Variants in PKHD1L1 observed in about 807,000 individuals in gnomAD.
PKHD1L1 encodes fibrocystin-L.
A neutral mutation model predicts 462.9 loss-of-function variants in PKHD1L1; 434 were observed. The observed-to-expected ratio is 0.94, with a 90% CI of 0.87 to 1.02. The LOEUF is 1.02. Among genes scored for constraint, PKHD1L1 ranks in the 50% least tolerant of loss-of-function variants. The pLI, the probability that PKHD1L1 is intolerant of heterozygous loss-of-function variation, is 0.00. For missense variants in PKHD1L1, 5,202 were observed against 5,096.1 expected, an observed-to-expected ratio of 1.02 and a Z score of -0.63; for synonymous variants, 1,781 against 1,750.0, an observed-to-expected ratio of 1.02 and a Z score of -0.44.
At chr8:109,438,843 C>T (rs1815596681) in intron 31 of PKHD1L1, 54 bp from the exon 32 acceptor site, 15 of 1,296,398 alleles carry the variant, frequency 1.2e-5, no homozygotes, top group East Asian at 2.5e-5. Context: ...GCAAATTTCA[C>T]ACTGGATAAC....
chr8:109,534,021 T>C lies in PKHD1L1; in HGVS notation c.*3931T>C, dbSNP rs964931925. On this transcript the variant is annotated 3_prime_UTR_variant, in exon 78 of 78. Coordinates refer to ENST00000378402, the MANE Select transcript of PKHD1L1 (RefSeq NM_177531.6). ...GGTGGTTATCCTAAATCTCCTGCTT[T>C]CATCAGATGTCTGAGATGGCAAAAT... Among the ~76,000 whole-genome samples, 8 of 152,240 alleles carry C rather than the reference T, an allele frequency of 5.3e-5. No individual in the cohort carries two copies. Among genetic ancestry groups the C allele is most frequent in the Non-Finnish European group, 7.3e-5 (5 of 68,036 alleles).
rs781383379 is a variant in PKHD1L1, at chr8:109,452,232, G to T, written c.6459G>T (p.Gly2153=). Residue 2153 remains glycine, a synonymous_variant, in exon 42 of 78, where the codon GGG becomes GGT. Coordinates refer to ENST00000378402, the MANE Select transcript of PKHD1L1 (RefSeq NM_177531.6). ...TGACAGATGCCCATACTCTATCAGG[G>T]TGGGCTCCAGTTTGTGTCCACATCA... The part of the protein sequence containing the change: ...ICMTDAHTLS[G]WAPVCVHIRG... 5.6e-6 allele frequency: 9 copies of T among 1,611,790 alleles called. No individual in the cohort carries two copies. The Admixed American group carries it at 1.3e-4, about 24-fold the overall frequency.
At chr8:109,372,321 A>G (rs1344072139) in intron 2 of PKHD1L1, among the ~76,000 whole-genome samples, 1 of 152,208 alleles carries the variant, frequency 6.6e-6, no homozygotes, top group Non-Finnish European at 1.5e-5. Flanking sequence ...TTATTGGTGT[A>G]TAACAATGCT....
At chr8:109,432,949 A>T (rs1815194938) in intron 27 of PKHD1L1, among the ~76,000 whole-genome samples, 157 bp from the exon 28 acceptor site, 1 of 152,250 alleles carries the variant, frequency 6.6e-6, no homozygotes, top group African/African-American at 2.4e-5. Context: ...AATGCCATTG[A>T]CAAATAAATG....
chr8:109,497,048 A>G lies in PKHD1L1; in HGVS notation c.10457A>G (p.Asp3486Gly), dbSNP rs763539621. The G allele has an allele frequency of 1.9e-6, 3 of 1,613,462 alleles. No individual in the cohort carries two copies. Among genetic ancestry groups the G allele is most frequent in the Non-Finnish European group, 2.5e-6 (3 of 1,179,622 alleles). Residue 3486 changes from aspartate (D) to glycine (G), a missense_variant, in exon 64 of 78, where the codon GAT becomes GGT. Asp to Gly is a moderately conservative substitution (Grantham distance 94). This residue lies in a region of PKHD1L1 where 4,497 missense variants were observed against 4,336.8 expected (regional missense o/e 1.04). Coordinates refer to ENST00000378402, the MANE Select transcript of PKHD1L1 (RefSeq NM_177531.6). ...IQGFTIWTCWDYGIYFQTTES... is the reference protein window; with the variant it reads ...IQGFTIWTCWGYGIYFQTTES... Reference sequence around the variant, plus strand: ...GGATTTACCATTTGGACATGCTGGGATTATGGAATTTATTTTCAGGTAATT... The same window carrying G: ...GGATTTACCATTTGGACATGCTGGGGTTATGGAATTTATTTTCAGGTAATT...
At chr8:109,444,031 T>G (rs531206848) in intron 37 of PKHD1L1, 129 bp downstream of exon 37, 93 of 785,632 alleles carry the variant, frequency 1.2e-4, no homozygotes, top group Non-Finnish European at 1.7e-4. Context: ...ATTCACCCAC[T>G]TAAAGTGTAC....
intron 50 of PKHD1L1, among the ~76,000 whole-genome samples, chr8:109,471,699 TA>T (rs1430274130): frequency 6.6e-6 from 1 of 152,228 alleles, no homozygotes; most frequent in East Asian, 1.9e-4. Context: ...TTTATTGTAG[TA>T]AACTGTTCTT....
At chr8:109,502,906 A>G (rs1425363201) in intron 67 of PKHD1L1, among the ~76,000 whole-genome samples, 1 of 152,246 alleles carries the variant, frequency 6.6e-6, no homozygotes, top group Non-Finnish European at 1.5e-5. Context: ...AGGTTCTTCC[A>G]TATCTCTTGT....
intron 2 of PKHD1L1, among the ~76,000 whole-genome samples, 171 bp downstream of exon 2, chr8:109,364,807 A>G (rs1811151951): frequency 6.6e-6 from 1 of 152,164 alleles, no homozygotes; most frequent in South Asian, 2.1e-4. Flanking sequence ...AATCCCCAAG[A>G]GTCTTTATCA....
Position 109,411,826 on chromosome 8 carries a change from G to C in PKHD1L1, c.2086-439G>C, listed in dbSNP as rs117473420. Among the ~76,000 whole-genome samples the C allele has an allele frequency of 3.0e-3, 450 of 152,236 alleles. 2 individuals are homozygous for C. The highest frequency in any genetic ancestry group is 4.7e-3 in the Non-Finnish European group (319 of 68,022). On this transcript the variant is annotated intron_variant, in intron 19 of 77. Coordinates refer to ENST00000378402, the MANE Select transcript of PKHD1L1 (RefSeq NM_177531.6). ...TTTCTTGATGCTTTTATGTGAGTTA[G>C]ATGCCTCCCTTGAGCCTTAGTACGA...
At chr8:109,404,281 A>T (rs1813415645) in intron 14 of PKHD1L1, among the ~76,000 whole-genome samples, 1 of 152,172 alleles carries the variant, frequency 6.6e-6, no homozygotes, top group Admixed American at 6.6e-5. Context: ...AAGAAATAGT[A>T]TTGTCTTCTA....
Position 109,464,669 on chromosome 8 carries a change from A to G in PKHD1L1, c.7837A>G (p.Asn2613Asp). The G allele has an allele frequency of 1.2e-6, 2 of 1,613,382 alleles. No homozygotes were observed. Among genetic ancestry groups the G allele is most frequent in the South Asian group, 1.1e-5 (1 of 91,070 alleles). ...AAGAGTTCCCCTTGGCGAATTTTTTAACAATACTGTCCATTCTCAAGGTTG... is the reference window on the plus strand; with the variant it reads ...AAGAGTTCCCCTTGGCGAATTTTTTGACAATACTGTCCATTCTCAAGGTTG... ...QKRVPLGEFF[N>D]NTVHSQGWFG... The change falls in exon 49 of 78, where the codon AAC becomes GAC. Residue 2613 changes from asparagine (N) to aspartate (D), a missense_variant. Physicochemically the swap from Asn to Asp is conservative, Grantham distance 23. This residue lies in a region of PKHD1L1 where 4,497 missense variants were observed against 4,336.8 expected (regional missense o/e 1.04). Coordinates refer to ENST00000378402, the MANE Select transcript of PKHD1L1 (RefSeq NM_177531.6).
At chr8:109,374,320 C>T (rs1323445031) in intron 2 of PKHD1L1, among the ~76,000 whole-genome samples, 2 of 152,174 alleles carry the variant, frequency 1.3e-5, no homozygotes, top group African/African-American at 2.4e-5. Context: ...ACTAGGATTG[C>T]AATCTCTGCC....
chr8:109,371,850 T>A (rs549217802), intron 2 of PKHD1L1, among the ~76,000 whole-genome samples: 1 of 152,252 alleles, frequency 6.6e-6, no homozygotes, highest in South Asian at 2.1e-4. Context: ...TCTCTTCTGT[T>A]CCATTGGTCT....
At position 109,473,415 on chromosome 8, in the gene PKHD1L1, T is replaced by C. The variant is rs558426214; in HGVS notation, c.8606-1703T>C. On this transcript the variant is annotated intron_variant, in intron 50 of 77. Coordinates refer to ENST00000378402, the MANE Select transcript of PKHD1L1 (RefSeq NM_177531.6). ...CCTGTAATCCCAGCTACTTGGGAGGTTGAGGCAGGAGAATTGCTTGAATCC... is the reference window on the plus strand; with the variant it reads ...CCTGTAATCCCAGCTACTTGGGAGGCTGAGGCAGGAGAATTGCTTGAATCC... Among the ~76,000 whole-genome samples the C allele has an allele frequency of 3.3e-5, 5 of 150,890 alleles. No homozygotes were observed. The East Asian group carries it at 7.8e-4, about 24-fold the overall frequency.
intron 27 of PKHD1L1, among the ~76,000 whole-genome samples, 160 bp downstream of exon 27, chr8:109,430,197 A>T (rs1016945214): frequency 3.9e-5 from 6 of 152,234 alleles, no homozygotes; most frequent in Admixed American, 2.6e-4. Flanking sequence ...AGAGAAAAAA[A>T]CTATGGAAAG....
At chr8:109,465,865 A>G (rs566210373) in intron 49 of PKHD1L1, among the ~76,000 whole-genome samples, 2 of 152,320 alleles carry the variant, frequency 1.3e-5, no homozygotes, top group African/African-American at 4.8e-5. Context: ...AGTTCAGAGT[A>G]TGTCACATTT....
intron 69 of PKHD1L1, 60 bp from the exon 70 acceptor site, chr8:109,508,037 A>T: frequency 6.6e-7 from 1 of 1,516,404 alleles, no homozygotes. Context: ...AGATGTTATA[A>T]GGATTTTTTT....
At chr8:109,504,515 T>C (rs1490765293) in intron 68 of PKHD1L1, 23 bp downstream of exon 68, 1 of 1,366,384 alleles carries the variant, frequency 7.3e-7, no homozygotes, top group Non-Finnish European at 9.8e-7. Flanking sequence ...AAAATTGTGG[T>C]TTTTCTATCT....
Sources: gnomAD v4.1 joint callset for allele counts (sites outside exome capture counted in the v4.1 genomes callset) on GRCh38, gnomAD v4.1.1 for gene constraint, gnomAD v4.1.1 regional missense constraint, MANE v1.5 for transcripts, NCBI Gene and HGNC (gene_info 2026-07-23, HGNC 2026-07-21) for gene names.